The following CDH18 variants were observed in gnomAD, a reference collection of about 807,000 sequenced individuals.
The protein encoded by CDH18 is cadherin 18.
In CDH18, 31 loss-of-function variants were observed where a neutral mutation model predicts 67.9. The observed-to-expected ratio is 0.46, with a 90% confidence interval of 0.34 to 0.62. The LOEUF (loss-of-function observed/expected upper bound fraction) is 0.62. Among genes scored for constraint, CDH18 ranks in the 20% least tolerant of loss-of-function variants. The pLI is 0.01. For synonymous variants in CDH18, 362 were observed against 347.2 expected (o/e 1.04, Z -0.48); for missense variants, 890 against 975.5 (o/e 0.91, Z 1.17).
chr5:19,696,478 G>A (rs914445817), intron 5 of CDH18, among the ~76,000 whole-genome samples: 1 of 151,778 alleles, frequency 6.6e-6, no homozygotes, highest in African/African-American at 2.4e-5. Context: ...GGAGTTTGCA[G>A]TGAGCCGAGA....
intron 2 of CDH18, among the ~76,000 whole-genome samples, chr5:19,897,102 A>G (rs1789428754): frequency 6.6e-6 from 1 of 152,158 alleles, no homozygotes; most frequent in South Asian, 2.1e-4. Context: ...TATTAAACTA[A>G]GAAATATAAT....
At chr5:19,605,376 T>C (rs1747866146) in intron 6 of CDH18, among the ~76,000 whole-genome samples, 1 of 151,850 alleles carries the variant, frequency 6.6e-6, no homozygotes, top group Non-Finnish European at 1.5e-5. Context: ...TGATGTAAGA[T>C]AAAAATATTG....
intron 5 of CDH18, among the ~76,000 whole-genome samples, chr5:19,669,539 T>C (rs1307128979): frequency 1.3e-5 from 2 of 151,892 alleles, no homozygotes; most frequent in Non-Finnish European, 2.9e-5. Flanking sequence ...GATCCTCCCG[T>C]CTCGGCCTCC....
At chr5:19,684,804 G>A (rs548332238) in intron 5 of CDH18, among the ~76,000 whole-genome samples, 8 of 152,074 alleles carry the variant, frequency 5.3e-5, no homozygotes, top group African/African-American at 1.2e-4. Context: ...TTGAAGTTTC[G>A]AGAGGTAGAT....
intron 1 of CDH18, among the ~76,000 whole-genome samples, chr5:20,401,456 C>T (rs1272830431): frequency 6.6e-6 from 1 of 152,100 alleles, no homozygotes; most frequent in Non-Finnish European, 1.5e-5. Flanking sequence ...ATGCTTTCTA[C>T]ATACGGTAGC....
intron 1 of CDH18, among the ~76,000 whole-genome samples, chr5:20,454,677 T>G (rs1250675897): frequency 6.6e-6 from 1 of 152,092 alleles, no homozygotes; most frequent in Non-Finnish European, 1.5e-5. Context: ...ATGAGACTCC[T>G]GGGTCAAAGA....
chr5:19,921,911 A>AT (rs1228392074), intron 2 of CDH18, among the ~76,000 whole-genome samples: 77 of 148,802 alleles, frequency 5.2e-4, no homozygotes, highest in Middle Eastern at 3.5e-3. Context: ...TAACTCGATG[A>AT]TTTTTTTTTT....
chr5:19,848,442 G>A (rs1783255126), intron 2 of CDH18, among the ~76,000 whole-genome samples: 1 of 152,094 alleles, frequency 6.6e-6, no homozygotes, highest in South Asian at 2.1e-4. Context: ...TATGGAGGAG[G>A]AGCCTCTTAA....
intron 1 of CDH18, among the ~76,000 whole-genome samples, chr5:20,323,834 A>G (rs1370965327): frequency 1.3e-5 from 2 of 152,232 alleles, no homozygotes; most frequent in African/African-American, 4.8e-5. Flanking sequence ...TATAACACAG[A>G]TATAAGAATT....
chr5:19,746,772 A>G (rs749529777), intron 4 of CDH18, among the ~76,000 whole-genome samples, 170 bp downstream of exon 4: 1 of 152,212 alleles, frequency 6.6e-6, no homozygotes, highest in Non-Finnish European at 1.5e-5. Flanking sequence ...TAATTGCTAG[A>G]CCCAATAGTC....
intron 5 of CDH18, among the ~76,000 whole-genome samples, chr5:19,684,540 G>A (rs1225029694): frequency 6.6e-6 from 1 of 150,400 alleles, no homozygotes; most frequent in Non-Finnish European, 1.5e-5. Context: ...ATACAGAATA[G>A]CAATATGTAA....
intron 1 of CDH18, among the ~76,000 whole-genome samples, chr5:20,270,158 T>TAAAAAA (rs72464138): frequency 2.0e-5 from 3 of 149,180 alleles, no homozygotes; most frequent in Admixed American, 2.0e-4. Context: ...TTTCTTTGTT[T>TAAAAAA]AAAAAAAAAA....
intron 2 of CDH18, among the ~76,000 whole-genome samples, chr5:19,914,499 A>G (rs944590078): frequency 1.3e-5 from 2 of 152,092 alleles, no homozygotes; most frequent in African/African-American, 4.8e-5. Flanking sequence ...ATGCATACAC[A>G]CTTCTAAATT....
At chr5:19,869,852 G>C (rs1205546717) in intron 2 of CDH18, among the ~76,000 whole-genome samples, 1 of 152,036 alleles carries the variant, frequency 6.6e-6, no homozygotes, top group Non-Finnish European at 1.5e-5. Context: ...GCAAATCTCT[G>C]CCTACTTTTC....
intron 1 of CDH18, among the ~76,000 whole-genome samples, chr5:20,436,899 G>A (rs1749207614): frequency 6.6e-6 from 1 of 151,210 alleles, no homozygotes; most frequent in South Asian, 2.1e-4. Flanking sequence ...ATTCTATGAG[G>A]AACATTTAGA....
intron 2 of CDH18, among the ~76,000 whole-genome samples, chr5:20,089,558 T>C (rs1459044986): frequency 6.6e-6 from 1 of 152,160 alleles, no homozygotes. Flanking sequence ...TGACAATATT[T>C]TGGATGAATA....
chr5:20,544,481 A>G (rs966031121), intron 1 of CDH18, among the ~76,000 whole-genome samples: 10 of 152,154 alleles, frequency 6.6e-5, no homozygotes, highest in African/African-American at 2.4e-4. Context: ...TAATTGACTC[A>G]TAGTTCCATA....
intron 6 of CDH18, among the ~76,000 whole-genome samples, chr5:19,610,509 G>A (rs1192449625): frequency 3.3e-5 from 5 of 152,010 alleles, no homozygotes; most frequent in African/African-American, 1.2e-4. Flanking sequence ...AAAAGAGAGA[G>A]TGGGAGATGC....
At chr5:19,781,951 A>T (rs1411324558) in intron 3 of CDH18, among the ~76,000 whole-genome samples, 2 of 152,222 alleles carry the variant, frequency 1.3e-5, no homozygotes, top group East Asian at 3.8e-4. Context: ...TTGGCTTTAT[A>T]ATCATTTATT....
Sources: allele counts gnomAD v4.1 joint callset (sites outside exome capture counted in the v4.1 genomes callset), GRCh38; gene constraint gnomAD v4.1.1; transcripts MANE v1.5; gene names NCBI Gene and HGNC (gene_info 2026-07-23, HGNC 2026-07-21).